The following TM9SF3 variants were observed in gnomAD, a reference collection of about 807,000 sequenced individuals.
TM9SF3 encodes SM-11044-binding protein.
In TM9SF3, 14 loss-of-function variants were observed where a neutral mutation model predicts 78.6. The observed-to-expected ratio is 0.18, with a 90% CI of 0.12 to 0.28. TM9SF3 has a LOEUF of 0.28. Ranked by LOEUF, TM9SF3 falls within the 10% of genes least tolerant of loss-of-function variation. TM9SF3 has a pLI of 1.00. For synonymous variants in TM9SF3, 231 were observed against 241.7 expected, an observed-to-expected ratio of 0.96 and a Z score of 0.41; for missense variants, 496 against 721.9, an observed-to-expected ratio of 0.69 and a Z score of 3.59.
chr10:96,552,763 T>C (rs1228637855), intron 6 of TM9SF3, among the ~76,000 whole-genome samples, 165 bp downstream of exon 6: 1 of 152,228 alleles, frequency 6.6e-6, no homozygotes, highest in Non-Finnish European at 1.5e-5. Flanking sequence ...TTACAGGGCA[T>C]GGTTACAGAC....
rs545171018 is a variant in TM9SF3 at position 96,580,864 on chromosome 10, A to G, written c.103-4035T>C. The stretch of plus-strand genomic sequence containing the variant: ...GTCCTATTACTTCCCCATTTTACAG[A>G]CTAAAAACAAAAACAAAACTAAAGA... On this transcript the variant is annotated intron_variant, in intron 1 of 14. Coordinates refer to ENST00000371142, the MANE Select transcript of TM9SF3 (RefSeq NM_020123.4). Among the ~76,000 whole-genome samples, 26 of 152,332 alleles carry G rather than the reference A, an allele frequency of 1.7e-4. 1 individual carries two copies. In the South Asian group the frequency reaches 5.0e-3, roughly 29 times the overall value.
chr10:96,562,166 G>C, intron 3 of TM9SF3, 28 bp from the exon 4 acceptor site: 1 of 1,527,068 alleles, frequency 6.5e-7, no homozygotes, highest in South Asian at 1.2e-5. Context: ...CTTTATACAA[G>C]GTAAAACCAC....
chr10:96,533,694 AG>A (rs1484772527), intron 9 of TM9SF3, among the ~76,000 whole-genome samples: 1 of 152,184 alleles, frequency 6.6e-6, no homozygotes, highest in Non-Finnish European at 1.5e-5. Flanking sequence ...ATTTCAACTC[AG>A]ATCTGCCAGC....
chr10:96,580,925 C>T (rs1057141891), intron 1 of TM9SF3, among the ~76,000 whole-genome samples: 3 of 152,130 alleles, frequency 2.0e-5, no homozygotes, highest in Admixed American at 1.3e-4. Context: ...AATCAATCAG[C>T]ATCAAGTTTA....
At chr10:96,557,271 A>G (rs572663206) in intron 5 of TM9SF3, among the ~76,000 whole-genome samples, 2 of 152,262 alleles carry the variant, frequency 1.3e-5, no homozygotes, top group South Asian at 4.1e-4. Flanking sequence ...AACATGTCCC[A>G]AACTGTACCC....
chr10:96,543,341 A>ATTTTTTTTTTTTT (rs747592959), intron 9 of TM9SF3, among the ~76,000 whole-genome samples: 2 of 8,508 alleles, frequency 2.4e-4, no homozygotes, highest in African/African-American at 7.3e-4. Flanking sequence ...GCTTAGTGAG[A>ATTTTTTTTTTTTT]TTCTTTTTTT....
intron 8 of TM9SF3, among the ~76,000 whole-genome samples, chr10:96,545,087 G>A (rs1478791160): frequency 1.3e-5 from 2 of 151,952 alleles, no homozygotes; most frequent in African/African-American, 4.8e-5. Context: ...AATAATCAAG[G>A]GAACAAATTT....
intron 1 of TM9SF3, among the ~76,000 whole-genome samples, chr10:96,577,261 T>C (rs1278344994): frequency 6.9e-6 from 1 of 145,044 alleles, no homozygotes; most frequent in African/African-American, 2.5e-5. Flanking sequence ...AAAAACCTAA[T>C]GTTGCCAGCA....
In TM9SF3 at chr10:96,545,762, G is replaced by A. The variant is rs999347064; in HGVS notation, c.1055-1556C>T. Among the ~76,000 whole-genome samples, 7 of 152,120 alleles carry A rather than the reference G, an allele frequency of 4.6e-5. No individual in the cohort carries two copies. In the South Asian group the frequency reaches 6.2e-4, roughly 14 times the overall value. ...AAATTAGCCGGGCATGGTGACACGC[G>A]CCTGTAATCCTAGCTATTGAGCAGG... On this transcript the variant is annotated intron_variant, in intron 8 of 14. Transcript: ENST00000371142.
intron 2 of TM9SF3, among the ~76,000 whole-genome samples, chr10:96,567,305 G>A (rs1046844271): frequency 6.6e-6 from 1 of 152,000 alleles, no homozygotes; most frequent in Non-Finnish European, 1.5e-5. Flanking sequence ...GGCTGGTCTT[G>A]AACTCCTGAT....
chr10:96,561,844 G>C, intron 4 of TM9SF3, 134 bp downstream of exon 4: 1 of 765,212 alleles, frequency 1.3e-6, no homozygotes, highest in Non-Finnish European at 2.0e-6. Context: ...CGTACACTGA[G>C]AAAATATAGT....
At chr10:96,559,560 A>T (rs1184197215) in intron 5 of TM9SF3, 99 bp downstream of exon 5, 9 of 726,350 alleles carry the variant, frequency 1.2e-5, no homozygotes, top group Non-Finnish European at 1.8e-5. Flanking sequence ...CTTTTAATCC[A>T]CAGTCCTCAA....
At chr10:96,584,507 C>CT (rs1449996538) in intron 1 of TM9SF3, among the ~76,000 whole-genome samples, 3 of 152,012 alleles carry the variant, frequency 2.0e-5, no homozygotes, top group Non-Finnish European at 4.4e-5. Flanking sequence ...TTTTGTTTTG[C>CT]TTTTTACAAT....
chr10:96,537,374 A>AT (rs1440081411), intron 9 of TM9SF3, among the ~76,000 whole-genome samples: 5 of 152,370 alleles, frequency 3.3e-5, no homozygotes, highest in African/African-American at 1.2e-4. Flanking sequence ...AGATTAGGCT[A>AT]TAACATATAG....
chr10:96,565,005 T>A (rs892655250), intron 3 of TM9SF3, among the ~76,000 whole-genome samples: 1 of 152,062 alleles, frequency 6.6e-6, no homozygotes, highest in Non-Finnish European at 1.5e-5. Flanking sequence ...AATTAAGATA[T>A]GAAAAAAAAT....
intron 5 of TM9SF3, among the ~76,000 whole-genome samples, chr10:96,555,982 G>A (rs1042973897): frequency 5.3e-5 from 8 of 152,008 alleles, no homozygotes; most frequent in Admixed American, 2.0e-4. Flanking sequence ...CACATAAAAT[G>A]TTGTAATTTC....
intron 9 of TM9SF3, among the ~76,000 whole-genome samples, chr10:96,543,178 C>T (rs1434724479): frequency 1.3e-5 from 2 of 152,090 alleles, no homozygotes; most frequent in East Asian, 1.9e-4. Context: ...AAAGGTAATA[C>T]CAAGAAGAAT....
chr10:96,568,056 A>G (rs2134154799), intron 2 of TM9SF3, among the ~76,000 whole-genome samples: 1 of 152,348 alleles, frequency 6.6e-6, no homozygotes, highest in South Asian at 2.1e-4. Context: ...GTTAAAAGGG[A>G]AAATCTATTA....
chr10:96,544,945 T>C (rs771904029), intron 8 of TM9SF3, among the ~76,000 whole-genome samples: 1 of 149,142 alleles, frequency 6.7e-6, no homozygotes, highest in Non-Finnish European at 1.5e-5. Context: ...ATTTCTACGT[T>C]TGAAAAGAAA....
Sources: allele counts gnomAD v4.1 joint callset (sites outside exome capture counted in the v4.1 genomes callset), GRCh38; gene constraint gnomAD v4.1.1; transcripts MANE v1.5; gene names NCBI Gene and HGNC (gene_info 2026-07-23, HGNC 2026-07-21).